Variants in DENND1A observed in about 807,000 individuals in gnomAD.
DENND1A encodes the protein DENN domain containing 1A, also known as DENN domain-containing protein 1A.
In DENND1A, 51 loss-of-function variants were observed where a neutral mutation model predicts 113.7. The observed-to-expected ratio is 0.45, with a 90% CI of 0.36 to 0.57. DENND1A has a LOEUF of 0.57. DENND1A is among the 20% of genes least tolerant of loss of function. The pLI is 0.00. For synonymous variants in DENND1A, 565 were observed against 570.8 expected, an observed-to-expected ratio of 0.99 and a Z score of 0.14; for missense variants, 1,258 against 1,395.9, an observed-to-expected ratio of 0.90 and a Z score of 1.57.
chr9:123,535,800 A>C (rs1368820097), intron 13 of DENND1A, among the ~76,000 whole-genome samples: 1 of 152,094 alleles, frequency 6.6e-6, no homozygotes, highest in East Asian at 1.9e-4. Context: ...ACGCATCACT[A>C]TCTGAACTCA....
chr9:123,813,721 T>C (rs1052732093), intron 2 of DENND1A, among the ~76,000 whole-genome samples: 1 of 152,006 alleles, frequency 6.6e-6, no homozygotes, highest in South Asian at 2.1e-4. Flanking sequence ...GTAAAAAAAA[T>C]TAGGCAAAAG....
At chr9:123,629,935 C>G (rs932003539) in intron 10 of DENND1A, among the ~76,000 whole-genome samples, 1 of 152,124 alleles carries the variant, frequency 6.6e-6, no homozygotes, top group African/African-American at 2.4e-5. Context: ...AAGTTACTAC[C>G]TATTCTCTTG....
chr9:123,771,043 T>C (rs1829651330), intron 3 of DENND1A, among the ~76,000 whole-genome samples: 1 of 152,144 alleles, frequency 6.6e-6, no homozygotes, highest in African/African-American at 2.4e-5. Context: ...TGCTAAGAAA[T>C]GTCATGAAAT....
chr9:123,575,255 C>T (rs1359591864), intron 12 of DENND1A, among the ~76,000 whole-genome samples: 1 of 152,188 alleles, frequency 6.6e-6, no homozygotes, highest in Non-Finnish European at 1.5e-5. Context: ...ACATCCCTTG[C>T]ATACAAAGTT....
chr9:123,390,551 T>G (rs1239828495), intron 21 of DENND1A, among the ~76,000 whole-genome samples: 1 of 152,216 alleles, frequency 6.6e-6, no homozygotes, highest in Non-Finnish European at 1.5e-5. Context: ...CAATACTGAT[T>G]TTCTAGAGGG....
chr9:123,412,632 C>T (rs1386319632), intron 19 of DENND1A, among the ~76,000 whole-genome samples: 1 of 152,226 alleles, frequency 6.6e-6, no homozygotes, highest in Non-Finnish European at 1.5e-5. Context: ...GCACAGACTT[C>T]TCAGCTCTCC....
chr9:123,923,387 AT>A (rs1856609157), intron 1 of DENND1A, among the ~76,000 whole-genome samples: 1 of 152,164 alleles, frequency 6.6e-6, no homozygotes, highest in Non-Finnish European at 1.5e-5. Context: ...GTCTCTCTAC[AT>A]TCTCCTTTGG....
At chr9:123,457,580 C>A in intron 14 of DENND1A, 145 bp from the exon 15 acceptor site, 1 of 788,804 alleles carries the variant, frequency 1.3e-6, no homozygotes, top group Non-Finnish European at 2.0e-6. Context: ...ATACCGGCTG[C>A]ATATTTATGA....
chr9:123,422,366 A>G lies in DENND1A; in HGVS notation c.1489-10537T>C, dbSNP rs1195865286. 6.6e-6 allele frequency among the ~76,000 whole-genome samples: 1 copy of G among 152,252 alleles called. No individual in the cohort carries two copies. The highest frequency in any genetic ancestry group is 1.5e-5 in the Non-Finnish European group (1 of 68,042). On this transcript the variant is annotated intron_variant, in intron 19 of 23. Coordinates refer to ENST00000394215, the MANE Select transcript of DENND1A (RefSeq NM_001352964.2). The surrounding 1 kb of genome is among the most constrained non-coding windows in gnomAD (Gnocchi z 4.8). ...ACAGGTTTCCTAGCCTAACAGGTTG[A>G]GCCCCAGGGCCATCCCCCAAAGCAA...
At chr9:123,553,074 G>C (rs1424987504) in intron 13 of DENND1A, among the ~76,000 whole-genome samples, 1 of 152,094 alleles carries the variant, frequency 6.6e-6, no homozygotes, top group Admixed American at 6.5e-5. Flanking sequence ...GGGCAACATA[G>C]CAAGACCTTA....
chr9:123,416,329 G>GC (rs1158207610), intron 19 of DENND1A, among the ~76,000 whole-genome samples: 1 of 152,198 alleles, frequency 6.6e-6, no homozygotes, highest in East Asian at 1.9e-4. Flanking sequence ...GGTAAAGCGA[G>GC]CTGCTCAACA....
intron 19 of DENND1A, among the ~76,000 whole-genome samples, chr9:123,426,715 T>C (rs1295113907): frequency 6.6e-6 from 1 of 152,240 alleles, no homozygotes; most frequent in Non-Finnish European, 1.5e-5. Context: ...AGTTGAGCTT[T>C]TCTGGAGACC....
intron 13 of DENND1A, among the ~76,000 whole-genome samples, chr9:123,494,703 C>T (rs553942283): frequency 6.6e-6 from 1 of 152,288 alleles, no homozygotes; most frequent in Admixed American, 6.5e-5. Flanking sequence ...AGCCTTACCC[C>T]ACCTTCTAAC....
chr9:123,594,847 C>G (rs550528360), intron 11 of DENND1A, among the ~76,000 whole-genome samples: 3 of 152,198 alleles, frequency 2.0e-5, no homozygotes, highest in African/African-American at 7.2e-5. Flanking sequence ...GCATGGGAAG[C>G]TGGTGGCCTC....
intron 11 of DENND1A, among the ~76,000 whole-genome samples, chr9:123,589,018 G>A (rs200381775): frequency 1.1e-4 from 17 of 151,982 alleles, no homozygotes; most frequent in African/African-American, 2.2e-4. Flanking sequence ...CACCCACCTC[G>A]GCCTCCCAAA....
chr9:123,418,936 C>A (rs1442932730), intron 19 of DENND1A, among the ~76,000 whole-genome samples: 1 of 152,214 alleles, frequency 6.6e-6, no homozygotes, highest in East Asian at 1.9e-4. Context: ...AGGGATGGAC[C>A]CGTGGATTCA....
chr9:123,783,545 C>T (rs769520264), intron 3 of DENND1A, among the ~76,000 whole-genome samples: 6 of 152,172 alleles, frequency 3.9e-5, no homozygotes, highest in Non-Finnish European at 7.3e-5. Flanking sequence ...CTAAGCACTT[C>T]ACACATTTTA....
At chr9:123,552,300 C>T (rs541874737) in intron 13 of DENND1A, among the ~76,000 whole-genome samples, 52 of 152,316 alleles carry the variant, frequency 3.4e-4, no homozygotes, top group African/African-American at 1.2e-3. Context: ...TTCCCAGGGC[C>T]GTCAGGACAG....
chr9:123,735,261 G>T (rs1257106194), intron 5 of DENND1A, among the ~76,000 whole-genome samples: 1 of 152,142 alleles, frequency 6.6e-6, no homozygotes, highest in African/African-American at 2.4e-5. Flanking sequence ...ACGAGTTCAT[G>T]GAGTCCCCAC....
Sources: gnomAD v4.1 joint callset for allele counts (sites outside exome capture counted in the v4.1 genomes callset) on GRCh38, gnomAD v4.1.1 for gene constraint, Gnocchi (gnomAD v3.1) non-coding constraint, MANE v1.5 for transcripts, NCBI Gene and HGNC (gene_info 2026-07-23, HGNC 2026-07-21) for gene names.